Variants in NMNAT1 observed in about 807,000 individuals in gnomAD.
The protein encoded by NMNAT1 is nicotinamide nucleotide adenylyltransferase 1, also known as nicotinamide/nicotinic acid mononucleotide adenylyltransferase 1.
NMNAT1 carries 11 observed loss-of-function variants against 16.7 expected under a neutral mutation model. The ratio of observed to expected loss-of-function variants is 0.66; its 90% confidence interval spans 0.41 to 1.09. NMNAT1 has a LOEUF of 1.09. NMNAT1 is among the 50% of genes least tolerant of loss of function. The pLI is 0.00. For missense variants in NMNAT1, 280 were observed against 332.3 expected (o/e 0.84, Z 1.22); for synonymous variants, 110 against 119.8 (o/e 0.92, Z 0.53).
chr1:9,979,786 AGT>A (rs1641898429), intron 3 of NMNAT1, among the ~76,000 whole-genome samples: 1 of 149,210 alleles, frequency 6.7e-6, no homozygotes, highest in South Asian at 2.2e-4. Flanking sequence ...TGGGCGACAG[AGT>A]GAGACTCCAT....
At chr1:9,954,466 C>T (rs994161042) in intron 1 of NMNAT1, among the ~76,000 whole-genome samples, 3 of 152,094 alleles carry the variant, frequency 2.0e-5, no homozygotes, top group African/African-American at 7.2e-5. Context: ...CCACCTCAGC[C>T]TCAAAGTGTT....
chr1:9,990,937 GAA>G, the NMNAT1 span, among the ~76,000 whole-genome samples: 1 of 149,736 alleles, frequency 6.7e-6, no homozygotes, highest in Admixed American at 6.7e-5. Flanking sequence ...GAATTGTAAA[GAA>G]AAAAAAAATT....
chr1:9,954,980 A>C (rs1331689739), intron 1 of NMNAT1, among the ~76,000 whole-genome samples: 1 of 152,014 alleles, frequency 6.6e-6, no homozygotes, highest in East Asian at 1.9e-4. Context: ...TCCGTACTCA[A>C]ATTATAGAAC....
At chr1:9,987,748 G>T (rs1041672992), downstream of NMNAT1, among the ~76,000 whole-genome samples, 1 of 151,968 alleles carries the variant, frequency 6.6e-6, no homozygotes, top group Admixed American at 6.6e-5. Flanking sequence ...AAGATTGCTT[G>T]AGCCTGGGAT....
chr1:9,955,439 C>T (rs1007622981), intron 1 of NMNAT1, among the ~76,000 whole-genome samples: 3 of 142,748 alleles, frequency 2.1e-5, no homozygotes, highest in South Asian at 2.2e-4. Flanking sequence ...AACCCCTTCT[C>T]TACTAAAAAT....
chr1:9,948,647 C>G (rs1435084697), intron 1 of NMNAT1, among the ~76,000 whole-genome samples: 2 of 150,932 alleles, frequency 1.3e-5, no homozygotes, highest in Non-Finnish European at 2.9e-5. Flanking sequence ...AAAAATACTT[C>G]AGAATTTTTT....
At position 9,984,180 on chromosome 1, in the gene NMNAT1, T is replaced by C. The variant is rs889107220; in HGVS notation, c.*1479T>C. ...CTCCTGCCTCAGCCTGCTGAGTAGC[T>C]GGGATTACAGGCACCCACTACCATG... On this transcript the variant is annotated 3_prime_UTR_variant, in exon 5 of 5. Coordinates refer to ENST00000377205, the MANE Select transcript of NMNAT1 (RefSeq NM_022787.4). 1 of 152,284 alleles carries C rather than the reference T, an allele frequency of 6.6e-6. No homozygotes were observed. Among genetic ancestry groups the C allele is most frequent in the Admixed American group, 6.6e-5 (1 of 15,254 alleles). The allele number at this position is 152,284 out of a possible 1,614,324, so 9.4% of individuals were successfully genotyped here. A position where few individuals can be genotyped will look rare whatever the true frequency, so the allele number is the denominator to read the frequency against.
At chr1:9,953,666 C>T (rs1406765420) in intron 1 of NMNAT1, among the ~76,000 whole-genome samples, 3 of 151,832 alleles carry the variant, frequency 2.0e-5, no homozygotes, top group African/African-American at 4.8e-5. Context: ...GTCTCAAACT[C>T]GTGACCTCAG....
At chr1:9,946,125 T>C (rs1640975509) in intron 1 of NMNAT1, among the ~76,000 whole-genome samples, 2 of 152,194 alleles carry the variant, frequency 1.3e-5, no homozygotes, top group African/African-American at 4.8e-5. Flanking sequence ...TGTGCAGTCT[T>C]CGAAGCAGTG....
At chr1:9,995,380 C>T in the NMNAT1 span, among the ~76,000 whole-genome samples, 264 of 152,040 alleles carry the variant, frequency 1.7e-3, no homozygotes, top group Non-Finnish European at 1.2e-3. Context: ...GCCTAGGCAA[C>T]AGAGCAAGAC....
At chr1:9,996,015 G>C in the NMNAT1 span, among the ~76,000 whole-genome samples, 1 of 150,976 alleles carries the variant, frequency 6.6e-6, no homozygotes, top group East Asian at 2.0e-4. Context: ...GGGCGATAGA[G>C]TGAGACTCCC....
chr1:9,965,395 T>C (rs1641520290), intron 1 of NMNAT1, among the ~76,000 whole-genome samples: 1 of 151,880 alleles, frequency 6.6e-6, no homozygotes, highest in Admixed American at 6.6e-5. Context: ...TATTACTTTT[T>C]AATTTTTATA....
At chr1:9,970,136 G>A (rs1423542006) in intron 1 of NMNAT1, among the ~76,000 whole-genome samples, 1 of 152,132 alleles carries the variant, frequency 6.6e-6, no homozygotes, top group Non-Finnish European at 1.5e-5. Flanking sequence ...GGGCAGTTTG[G>A]GAGAAGGTAG....
chr1:9,982,256 G>T (rs776298244), intron 4 of NMNAT1, 45 bp from the exon 5 acceptor site: 34 of 1,552,778 alleles, frequency 2.2e-5, no homozygotes, highest in Non-Finnish European at 2.9e-5. Flanking sequence ...AGGAGGTAGA[G>T]GGGAAGAAAA....
At position 9,943,513 on chromosome 1, in the gene NMNAT1, G is replaced by C. The variant is rs951310699; in HGVS notation, c.-59G>C. On this transcript the variant is annotated splice_region_variant and 5_prime_UTR_variant, in exon 1 of 5. Coordinates refer to ENST00000377205, the MANE Select transcript of NMNAT1 (RefSeq NM_022787.4). ...ACTCGGGCCGGCGGACAGTGAGGGC[G>C]CGGTAAGCTCCCCGCAAGGAGCCCC... 6.6e-6 allele frequency: 1 copy of C among 152,454 alleles called. No homozygotes were observed. Among genetic ancestry groups the C allele is most frequent in the Non-Finnish European group, 1.5e-5 (1 of 68,208 alleles). The allele number at this position is 152,454 out of a possible 1,614,324, so 9.4% of individuals were successfully genotyped here. A position where few individuals can be genotyped will look rare whatever the true frequency, so the allele number is the denominator to read the frequency against.
chr1:9,965,552 C>T (rs971957204), intron 1 of NMNAT1, among the ~76,000 whole-genome samples: 6 of 151,504 alleles, frequency 4.0e-5, no homozygotes, highest in Non-Finnish European at 8.8e-5. Context: ...TACATGTGTG[C>T]GCCACCACAC....
intron 1 of NMNAT1, among the ~76,000 whole-genome samples, chr1:9,962,212 G>A (rs1641429440): frequency 6.6e-6 from 1 of 151,924 alleles, no homozygotes; most frequent in African/African-American, 2.4e-5. Flanking sequence ...GCCGGGCGCG[G>A]TGGCTCACGC....
the NMNAT1 span, among the ~76,000 whole-genome samples, chr1:9,991,293 C>T: frequency 2.6e-5 from 4 of 151,378 alleles, no homozygotes; most frequent in African/African-American, 9.7e-5. Context: ...TCAAGCAATT[C>T]TCTTGCCTCA....
the NMNAT1 span, among the ~76,000 whole-genome samples, chr1:9,996,034 G>T: frequency 1.3e-5 from 2 of 149,918 alleles, no homozygotes; most frequent in Admixed American, 6.8e-5. Context: ...CCTCTCTGCC[G>T]GGCGCAGTGG....
Sources: allele counts gnomAD v4.1 joint callset (sites outside exome capture counted in the v4.1 genomes callset), GRCh38; gene constraint gnomAD v4.1.1; transcripts MANE v1.5; gene names NCBI Gene and HGNC (gene_info 2026-07-23, HGNC 2026-07-21).